The following KLKB1 variants were observed in gnomAD, a reference collection of about 807,000 sequenced individuals.
KLKB1 encodes the protein kallikrein B1, also known as plasma kallikrein.
Under a neutral mutation model 73.6 loss-of-function variants are expected in KLKB1, and 58 were observed. The ratio of observed to expected loss-of-function variants is 0.79; its 90% CI spans 0.64 to 0.98. The LOEUF (loss-of-function observed/expected upper bound fraction) is 0.98. Ranked by LOEUF, KLKB1 falls within the 50% of genes least tolerant of loss-of-function variation. The pLI is 0.00. For missense variants in KLKB1, 737 were observed against 763.8 expected (o/e 0.96, Z 0.41); for synonymous variants, 280 against 258.1 (o/e 1.08, Z -0.81).
At chr4:186,234,934 A>G (rs1737579476) in intron 4 of KLKB1, among the ~76,000 whole-genome samples, 2 of 152,204 alleles carry the variant, frequency 1.3e-5, no homozygotes, top group South Asian at 4.1e-4. Context: ...TATCATTACT[A>G]TTTTATTTTC....
upstream of KLKB1, among the ~76,000 whole-genome samples, chr4:186,224,371 G>GCCGGC (rs973876733): frequency 6.6e-5 from 10 of 152,222 alleles, no homozygotes; most frequent in African/African-American, 2.2e-4. Flanking sequence ...GGCACTCAGT[G>GCCGGC]CCGGCCCATG....
At chr4:186,211,732 CT>C (rs1205290516) in intron 2 of KLKB1, 1 of 145,002 alleles carries the variant, frequency 6.9e-6, no homozygotes, top group Non-Finnish European at 1.5e-5. Flanking sequence ...TGAGTATGTA[CT>C]CTGACTTCAG....
chr4:186,249,111 C>A (rs1303618781), intron 6 of KLKB1, among the ~76,000 whole-genome samples: 2 of 152,304 alleles, frequency 1.3e-5, no homozygotes, highest in East Asian at 1.9e-4. Context: ...TTCTGTGCAT[C>A]TGCAGGTCAT....
chr4:186,221,373 G>T (rs1737028546), intron 2 of KLKB1, among the ~76,000 whole-genome samples: 2 of 150,108 alleles, frequency 1.3e-5, no homozygotes, highest in Admixed American at 6.6e-5. Flanking sequence ...ATTGCTTCAG[G>T]TGTAAAGTTA....
chr4:186,220,466 C>A (rs569562146), intron 2 of KLKB1, among the ~76,000 whole-genome samples: 1 of 152,276 alleles, frequency 6.6e-6, no homozygotes, highest in Admixed American at 6.5e-5. Flanking sequence ...CCAAAACCAC[C>A]CCATAGCTGG....
intron 4 of KLKB1, among the ~76,000 whole-genome samples, chr4:186,235,424 G>T (rs1737614304): frequency 6.6e-6 from 1 of 152,116 alleles, no homozygotes; most frequent in Non-Finnish European, 1.5e-5. Flanking sequence ...AGCATTTAGA[G>T]CTTCCGTATG....
chr4:186,250,584 A>G (rs929668705), intron 7 of KLKB1, among the ~76,000 whole-genome samples, 182 bp downstream of exon 7: 1 of 152,242 alleles, frequency 6.6e-6, no homozygotes, highest in African/African-American at 2.4e-5. Flanking sequence ...AGAGATTAGC[A>G]GACTTCTCTG....
In KLKB1 at chr4:186,252,181, G is replaced by C. The variant is rs1712257492; in HGVS notation, c.1309G>C (p.Asp437His). ...GGTCCTCACTGCTGCCCACTGCTTTGATGGGTAAGTGTTGGATGCATCTCA... is the reference window on the plus strand; with the variant it reads ...GGTCCTCACTGCTGCCCACTGCTTTCATGGGTAAGTGTTGGATGCATCTCA... ...QWVLTAAHCF[D>H]GLPLQDVWRI... The change falls in exon 11 of 15, where the codon GAT becomes CAT. Residue 437 changes from aspartate to histidine, a missense_variant. Physicochemically the swap from Asp to His is moderately conservative, Grantham distance 81. Coordinates refer to ENST00000264690, the MANE Select transcript of KLKB1 (RefSeq NM_000892.5). The C allele has an allele frequency of 6.2e-7, 1 of 1,613,530 alleles. No homozygotes were observed. The highest frequency in any genetic ancestry group is 1.1e-5 in the South Asian group (1 of 91,086).
chr4:186,232,347 T>C (rs1737440601), intron 3 of KLKB1, 58 bp downstream of exon 3: 1 of 1,485,552 alleles, frequency 6.7e-7, no homozygotes, highest in South Asian at 1.1e-5. Flanking sequence ...ATCAGTTTTG[T>C]GCAGAAAGGT....
intron 2 of KLKB1, among the ~76,000 whole-genome samples, chr4:186,216,617 G>T (rs1036276329): frequency 1.3e-5 from 2 of 152,120 alleles, no homozygotes; most frequent in African/African-American, 2.4e-5. Flanking sequence ...TCTAAGGGGA[G>T]GTTCTGGAGA....
rs768963850 is a variant in KLKB1, at chr4:186,251,265, T to TCC, written c.806_807insCC (p.Thr270LeufsTer14). 2.5e-6 allele frequency: 4 copies of TCC among 1,612,602 alleles called. No individual in the cohort carries two copies. The Admixed American group carries it at 6.7e-5, about 27-fold the overall frequency. On this transcript the variant is annotated frameshift_variant, in exon 8 of 15. Transcript: ENST00000264690. LOFTEE classifies it high-confidence loss of function. ...ATCTGAAAGTGGCACACCAAGTTCCTCTACTCCTCAAGAAAACACCATATC... is the reference window on the plus strand; with the variant it reads ...ATCTGAAAGTGGCACACCAAGTTCCTCCCTACTCCTCAAGAAAACACCATATC...
At position 186,251,766 on chromosome 4, in the gene KLKB1, G is replaced by A; in HGVS notation, c.1049G>A (p.Arg350Lys). The A allele has an allele frequency of 6.2e-7, 1 of 1,613,784 alleles. No homozygotes were observed. Among genetic ancestry groups the A allele is most frequent in the East Asian group, 2.2e-5 (1 of 44,886 alleles). Reference protein sequence around the residue: ...CKEEKCKCFLRLSMDGSPTRI... With the variant: ...CKEEKCKCFLKLSMDGSPTRI... ...TCATCTAGGTGTAAGTGTTTCTTAA[G>A]ATTATCTATGGATGGTTCTCCAACT... The change falls in exon 10 of 15, where the codon AGA becomes AAA. Residue 350 changes from arginine (R) to lysine (K), a missense_variant. Coordinates refer to ENST00000264690, the MANE Select transcript of KLKB1 (RefSeq NM_000892.5).
chr4:186,210,878 G>T (rs1736698439), intron 2 of KLKB1: 3 of 449,986 alleles, frequency 6.7e-6, no homozygotes, highest in Non-Finnish European at 1.2e-5. Flanking sequence ...CTGTCGCCCA[G>T]GCTGGAGGAG....
Position 186,251,836 on chromosome 4 carries a change from A to G in KLKB1, c.1119A>G (p.Arg373=), listed in dbSNP as rs762030727. Residue 373 remains arginine, a synonymous_variant, in exon 10 of 15, where the codon AGA becomes AGG. Coordinates refer to ENST00000264690, the MANE Select transcript of KLKB1 (RefSeq NM_000892.5). ...AAGGGAGCTCTGGTTACTCTTTGAG[A>G]TTGTGTAACACTGGGGACAACTCTG... ...GTQGSSGYSL[R]LCNTGDNSVC... is the part of the protein sequence containing the mutation. The G allele has an allele frequency of 2.5e-6, 4 of 1,613,418 alleles. No individual in the cohort carries two copies. Among genetic ancestry groups the G allele is most frequent in the Admixed American group, 1.7e-5 (1 of 60,006 alleles).
chr4:186,246,946 A>G (rs1270393041), intron 6 of KLKB1, among the ~76,000 whole-genome samples: 2 of 152,230 alleles, frequency 1.3e-5, no homozygotes, highest in African/African-American at 4.8e-5. Flanking sequence ...TGTCTCTACC[A>G]GAAAATGAAA....
In KLKB1 at chr4:186,211,698, T is replaced by TACAC. The variant is rs58524374; in HGVS notation, c.201+2430_201+2433dup. ...ACACACACACACACACACACACACATACACACATATAATTTGAAAGAGGTG... is the reference window on the plus strand; with the variant it reads ...ACACACACACACACACACACACACATACACACACACATATAATTTGAAAGAGGTG... On this transcript the variant is annotated intron_variant, in intron 2 of 14. Transcript: ENST00000511608. 0.82 allele frequency: 119,379 copies of TACAC among 144,982 alleles called. 49,182 individuals are homozygous for TACAC. Among genetic ancestry groups the TACAC allele is most frequent in the East Asian group, 0.93 (4,722 of 5,078 alleles). The allele number at this position is 144,982 out of a possible 1,614,324, so 9.0% of individuals were successfully genotyped here.
chr4:186,253,802 C>A (rs1463603819), intron 11 of KLKB1, among the ~76,000 whole-genome samples: 1 of 151,472 alleles, frequency 6.6e-6, no homozygotes, highest in Non-Finnish European at 1.5e-5. Flanking sequence ...TCATACTTTC[C>A]AAAATACAGA....
In KLKB1 at chr4:186,258,097, G is replaced by T. The variant is rs1335090655; in HGVS notation, c.1802G>T (p.Gly601Val). The change falls in exon 15 of 15, where the codon GGC becomes GTC. Residue 601 changes from glycine to valine, a missense_variant. Transcript: ENST00000264690. ...GTGGGCATCACCAGCTGGGGTGAAGGCTGTGCCCGCAGGGAGCAACCTGGT... is the reference window on the plus strand; with the variant it reads ...GTGGGCATCACCAGCTGGGGTGAAGTCTGTGCCCGCAGGGAGCAACCTGGT... ...RLVGITSWGE[G>V]CARREQPGVY... The T allele has an allele frequency of 6.2e-7, 1 of 1,614,050 alleles. No individual in the cohort carries two copies. The highest frequency in any genetic ancestry group is 2.2e-5 in the East Asian group (1 of 44,894).
At position 186,238,141 on chromosome 4, in the gene KLKB1, C is replaced by G. The variant is rs1035522490; in HGVS notation, c.489-115C>G. On this transcript the variant is annotated intron_variant, in intron 5 of 14. Coordinates refer to ENST00000264690, the MANE Select transcript of KLKB1 (RefSeq NM_000892.5). Reference sequence around the variant, plus strand: ...GTTAATAATGCAGACCCCTAACCCACTCATTATCAGGGTCATTGTTTTTCC... The same window carrying G: ...GTTAATAATGCAGACCCCTAACCCAGTCATTATCAGGGTCATTGTTTTTCC... The G allele has an allele frequency of 1.2e-5, 9 of 749,456 alleles. No individual in the cohort carries two copies. In the African/African-American group the frequency reaches 1.2e-4, roughly 10 times the overall value. The allele number at this position is 749,456 out of a possible 1,614,324, so 46.4% of individuals were successfully genotyped here.
Sources: gnomAD v4.1 joint callset for allele counts (sites outside exome capture counted in the v4.1 genomes callset) on GRCh38, gnomAD v4.1.1 for gene constraint, MANE v1.5 for transcripts, NCBI Gene and HGNC (gene_info 2026-07-23, HGNC 2026-07-21) for gene names.